CHD1L: variants seen among roughly 807,000 people sequenced by gnomAD.
CHD1L encodes the protein chromodomain helicase DNA binding protein 1 like.
Under a neutral mutation model 115.9 loss-of-function variants are expected in CHD1L, and 118 were observed. That is an observed-to-expected ratio of 1.02 (90% CI 0.88 to 1.19). The LOEUF is 1.19. CHD1L is among the 50% of genes most tolerant of loss of function. CHD1L has a pLI of 0.00. For synonymous variants in CHD1L, 411 were observed against 387.1 expected (o/e 1.06, Z -0.72); for missense variants, 1,179 against 1,065.3 (o/e 1.11, Z -1.49).
At chr1:147,242,257 T>C (rs2102188943), upstream of CHD1L, among the ~76,000 whole-genome samples, 1 of 152,286 alleles carries the variant, frequency 6.6e-6, no homozygotes, top group Non-Finnish European at 1.5e-5. Flanking sequence ...AATTTATCAC[T>C]AGGTAAACCG....
chr1:147,234,605 T>G, the CHD1L span, among the ~76,000 whole-genome samples: 1 of 152,234 alleles, frequency 6.6e-6, no homozygotes, highest in African/African-American at 2.4e-5. Flanking sequence ...TAAAAAATTA[T>G]TTTGTTTTCT....
chr1:147,234,478 G>A, the CHD1L span, among the ~76,000 whole-genome samples: 17 of 152,258 alleles, frequency 1.1e-4, no homozygotes, highest in South Asian at 8.3e-4. Flanking sequence ...TGAAAACATC[G>A]TCCCCAAAGA....
intron 10 of CHD1L, 44 bp from the exon 11 acceptor site, chr1:147,270,888 A>G (rs782538495): frequency 6.4e-7 from 1 of 1,559,916 alleles, no homozygotes; most frequent in Non-Finnish European, 8.8e-7. Context: ...TTGACCTTAA[A>G]TACCACTAGA....
rs973316789 is a variant in CHD1L at position 147,286,503 on chromosome 1, A to T, written c.2221+3A>T. The T allele has an allele frequency of 6.2e-6, 10 of 1,612,912 alleles. No homozygotes were observed. Among genetic ancestry groups the T allele is most frequent in the South Asian group, 1.1e-5 (1 of 91,038 alleles). ...TGCTCTCATTGTGCACTGCGTAGGT[A>T]CGAGAAGTGGTATGGGCTGGGGATG... On this transcript the variant is annotated splice_donor_region_variant and intron_variant, in intron 18 of 22. Coordinates refer to ENST00000369258, the MANE Select transcript of CHD1L (RefSeq NM_004284.6).
chr1:147,202,129 A>G, the CHD1L span, among the ~76,000 whole-genome samples: 1 of 152,118 alleles, frequency 6.6e-6, no homozygotes, highest in African/African-American at 2.4e-5. Flanking sequence ...AATTTATCTC[A>G]AAGTTGTTTT....
chr1:147,176,401 A>C, the CHD1L span: 3 of 152,214 alleles, frequency 2.0e-5, no homozygotes, highest in Non-Finnish European at 4.4e-5. Flanking sequence ...CTATGAGGGT[A>C]AGCAGAACAG....
At chr1:147,259,226 A>C (rs1671109801) in intron 5 of CHD1L, 2 of 152,246 alleles carry the variant, frequency 1.3e-5, no homozygotes, top group Admixed American at 1.3e-4. Flanking sequence ...AGTATGCTAC[A>C]AAATGTGCTC....
At chr1:147,255,261 C>T (rs587766680) in intron 3 of CHD1L, among the ~76,000 whole-genome samples, 2 of 152,290 alleles carry the variant, frequency 1.3e-5, no homozygotes, top group South Asian at 4.1e-4. Flanking sequence ...GAGTTTTGCT[C>T]TTGTTGCCCA....
At position 147,242,942 on chromosome 1, in the gene CHD1L, G is replaced by A. The variant is rs144558067; in HGVS notation, c.127+112G>A. On this transcript the variant is annotated intron_variant, in intron 1 of 22. Transcript: ENST00000369258. Reference sequence around the variant, plus strand: ...CCCGGTGGGCAGTTTACCCGCTCGCGCCAGGGCCTTCCTTCGCTCCTGCCG... The same window carrying A: ...CCCGGTGGGCAGTTTACCCGCTCGCACCAGGGCCTTCCTTCGCTCCTGCCG... 1.7e-3 allele frequency: 2,037 copies of A among 1,165,396 alleles called. 87 individuals are homozygous for A. The East Asian group carries it at 0.065, about 37-fold the overall frequency. 72.2% of individuals were successfully genotyped at this position (1,165,396 alleles called of 1,614,324 possible).
chr1:147,279,933 G>C, intron 14 of CHD1L, 93 bp from the exon 15 acceptor site: 1 of 1,288,614 alleles, frequency 7.8e-7, no homozygotes. Context: ...GAAGGACTGT[G>C]CCTGGTGTCG....
At chr1:147,189,916 A>G in the CHD1L span, among the ~76,000 whole-genome samples, 3 of 152,130 alleles carry the variant, frequency 2.0e-5, no homozygotes, top group African/African-American at 7.2e-5. Context: ...TTTTATTTCC[A>G]TATGCATTTT....
At chr1:147,192,448 C>T in the CHD1L span, among the ~76,000 whole-genome samples, 5,611 of 152,148 alleles carry the variant, frequency 0.037, 117 homozygotes, top group African/African-American at 0.047. Flanking sequence ...ACAATCATGT[C>T]GTCTGCAAAC....
At chr1:147,262,174 C>A (rs781959943) in intron 6 of CHD1L, among the ~76,000 whole-genome samples, 2 of 128,372 alleles carry the variant, frequency 1.6e-5, no homozygotes, top group African/African-American at 6.2e-5. Flanking sequence ...CCAGCCTGGG[C>A]GACAGAGCGA....
At chr1:147,277,517 G>A (rs1045872331) in intron 14 of CHD1L, among the ~76,000 whole-genome samples, 7 of 152,152 alleles carry the variant, frequency 4.6e-5, no homozygotes, top group Non-Finnish European at 1.0e-4. Flanking sequence ...TTAATTTTGG[G>A]ACTAGAACTA....
chr1:147,283,692 C>T (rs1285975598), intron 15 of CHD1L, among the ~76,000 whole-genome samples: 2 of 152,146 alleles, frequency 1.3e-5, no homozygotes, highest in African/African-American at 2.4e-5. Flanking sequence ...TATTTGCTAG[C>T]CTGTTAATCT....
At chr1:147,201,306 G>A in the CHD1L span, 2 of 1,614,020 alleles carry the variant, frequency 1.2e-6, no homozygotes, top group Non-Finnish European at 1.7e-6. Flanking sequence ...TGACCACTTT[G>A]ACGGAATCTT....
intron 20 of CHD1L, among the ~76,000 whole-genome samples, 157 bp downstream of exon 20, chr1:147,291,709 GTA>G (rs1685604952): frequency 6.6e-6 from 1 of 152,084 alleles, no homozygotes; most frequent in Non-Finnish European, 1.5e-5. Flanking sequence ...CAACAGAAAT[GTA>G]TTTCCTTATA....
At chr1:147,181,566 G>T in the CHD1L span, among the ~76,000 whole-genome samples, 1 of 152,222 alleles carries the variant, frequency 6.6e-6, no homozygotes, top group Non-Finnish European at 1.5e-5. Flanking sequence ...AACTAGAAAG[G>T]TGGGACAGAG....
At chr1:147,179,481 C>T in the CHD1L span, 2 of 1,574,944 alleles carry the variant, frequency 1.3e-6, no homozygotes, top group Non-Finnish European at 1.7e-6. Flanking sequence ...ATACTTCTCT[C>T]CAGCCAACAA....
Sources: allele counts gnomAD v4.1 joint callset (sites outside exome capture counted in the v4.1 genomes callset), GRCh38; gene constraint gnomAD v4.1.1; transcripts MANE v1.5; gene names NCBI Gene and HGNC (gene_info 2026-07-23, HGNC 2026-07-21).